Variants in BBX observed in about 807,000 individuals in gnomAD.
The protein encoded by BBX is BBX high mobility group box domain containing.
BBX carries 30 observed loss-of-function variants against 100.2 expected under a neutral mutation model. The ratio of observed to expected loss-of-function variants is 0.30; its 90% confidence interval spans 0.22 to 0.41. The LOEUF is 0.41. Among genes scored for constraint, BBX ranks in the 10% least tolerant of loss-of-function variants. The pLI, the probability that BBX is intolerant of heterozygous loss-of-function variation, is 1.00. For synonymous variants in BBX, 376 were observed against 388.1 expected, an observed-to-expected ratio of 0.97 and a Z score of 0.37; for missense variants, 1,023 against 1,129.8, an observed-to-expected ratio of 0.91 and a Z score of 1.35.
At chr3:107,561,172 G>T (rs1159104048) in intron 2 of BBX, among the ~76,000 whole-genome samples, 1 of 152,172 alleles carries the variant, frequency 6.6e-6, no homozygotes, top group African/African-American at 2.4e-5. Context: ...GTGAAAGTCT[G>T]CATGGTCCAT....
intron 13 of BBX, among the ~76,000 whole-genome samples, chr3:107,783,593 G>A (rs2068115856): frequency 6.6e-6 from 1 of 151,822 alleles, no homozygotes; most frequent in African/African-American, 2.4e-5. Context: ...TTTCCTACAG[G>A]TAAATCACTA....
rs887461126 is a variant in BBX at position 107,606,322 on chromosome 3, A to G, written c.-83-39514A>G. Among the ~76,000 whole-genome samples the G allele has an allele frequency of 3.5e-4, 54 of 152,234 alleles. 1 individual carries two copies. ...CTAAAGCAAGGAAGTATACTCTAAT[A>G]TATTTTAAAATGGTTTGCAATAGCA... On this transcript the variant is annotated intron_variant, in intron 2 of 17. Coordinates refer to ENST00000325805, the MANE Select transcript of BBX (RefSeq NM_001142568.3).
intron 3 of BBX, among the ~76,000 whole-genome samples, chr3:107,668,530 G>C (rs2058862554): frequency 6.6e-6 from 1 of 152,152 alleles, no homozygotes. Flanking sequence ...TCATCCCTTA[G>C]TAACCAGCTA....
chr3:107,664,349 C>G lies in BBX; in HGVS notation c.-10+18440C>G, dbSNP rs920813062. On this transcript the variant is annotated intron_variant, in intron 3 of 17. Transcript: ENST00000325805. ...CACTAACAGAATGTAAGTATTCTCT[C>G]TCTCTGGCTCCTATAGTTCTTTAAA... Among the ~76,000 whole-genome samples, 10 of 152,174 alleles carry G rather than the reference C, an allele frequency of 6.6e-5. No homozygotes were observed. In the East Asian group the frequency reaches 1.9e-3, roughly 29 times the overall value.
intron 3 of BBX, among the ~76,000 whole-genome samples, chr3:107,674,317 A>G (rs80016787): frequency 4.9e-4 from 74 of 152,232 alleles, no homozygotes; most frequent in Non-Finnish European, 9.6e-4. Context: ...TAACACACAC[A>G]TTGTAGGATT....
At chr3:107,744,826 G>A (rs910903178) in intron 8 of BBX, 116 bp downstream of exon 8, 3 of 791,850 alleles carry the variant, frequency 3.8e-6, no homozygotes, top group Admixed American at 2.4e-5. Flanking sequence ...ACCATAAGTG[G>A]GAAAATAGAA....
chr3:107,665,115 A>C (rs1396325214), intron 3 of BBX, among the ~76,000 whole-genome samples: 1 of 152,188 alleles, frequency 6.6e-6, no homozygotes. Flanking sequence ...TATCTTCTGC[A>C]GTTTCCCAGG....
chr3:107,785,547 C>T (rs191768911), intron 13 of BBX, among the ~76,000 whole-genome samples: 163 of 151,900 alleles, frequency 1.1e-3, no homozygotes, highest in African/African-American at 3.8e-3. Flanking sequence ...ATTAGTGTAA[C>T]ATACCCTACT....
rs755638059 is a variant in BBX at position 107,811,209 on chromosome 3, T to C, written c.*5752T>C. 5 of 152,182 alleles carry C rather than the reference T, an allele frequency of 3.3e-5. No individual in the cohort carries two copies. Among genetic ancestry groups the C allele is most frequent in the African/African-American group, 9.7e-5 (4 of 41,434 alleles). The allele number at this position is 152,182 out of a possible 1,614,324, so 9.4% of individuals were successfully genotyped here. A position where few individuals can be genotyped will look rare whatever the true frequency, so the allele number is the denominator to read the frequency against. ...AAACTTTGAAATATTTTAAAGATAT[T>C]ATTCAAATATATTTCTTTATGTTCA... On this transcript the variant is annotated 3_prime_UTR_variant, in exon 18 of 18. Coordinates refer to ENST00000325805, the MANE Select transcript of BBX (RefSeq NM_001142568.3).
At chr3:107,763,641 A>G (rs1479914110) in intron 10 of BBX, among the ~76,000 whole-genome samples, 1 of 152,178 alleles carries the variant, frequency 6.6e-6, no homozygotes, top group East Asian at 1.9e-4. Context: ...TACACATTTT[A>G]TCTCACCCCT....
chr3:107,718,163 A>C (rs940415688), intron 5 of BBX, among the ~76,000 whole-genome samples: 1 of 148,832 alleles, frequency 6.7e-6, no homozygotes, highest in East Asian at 1.9e-4. Flanking sequence ...AAAATTATTA[A>C]TAATTATATT....
chr3:107,726,218 G>A (rs1422740128), intron 5 of BBX, among the ~76,000 whole-genome samples: 1 of 151,844 alleles, frequency 6.6e-6, no homozygotes, highest in Non-Finnish European at 1.5e-5. Context: ...TTCTACTATT[G>A]TCTTTTAGCT....
At chr3:107,757,800 A>G (rs1576660122) in intron 10 of BBX, among the ~76,000 whole-genome samples, 1 of 152,230 alleles carries the variant, frequency 6.6e-6, no homozygotes, top group East Asian at 1.9e-4. Context: ...ATTTTAAGAT[A>G]AATAAATATA....
At chr3:107,737,902 T>TTTTTG (rs1560070074) in intron 7 of BBX, among the ~76,000 whole-genome samples, 4 of 143,108 alleles carry the variant, frequency 2.8e-5, no homozygotes, top group South Asian at 4.6e-4. Flanking sequence ...TTTTTTTTTT[T>TTTTTG]TTTTTTTTTT....
chr3:107,805,285 T>TG (rs1377730667), intron 17 of BBX, 85 bp from the exon 18 acceptor site: 1 of 1,387,354 alleles, frequency 7.2e-7, no homozygotes, highest in East Asian at 2.3e-5. Context: ...AACAAGATAT[T>TG]GGAACACACT....
chr3:107,663,236 C>T lies in BBX; in HGVS notation c.-10+17327C>T, dbSNP rs548783260. On this transcript the variant is annotated intron_variant, in intron 3 of 17. Coordinates refer to ENST00000325805, the MANE Select transcript of BBX (RefSeq NM_001142568.3). Reference sequence around the variant, plus strand: ...ATTAACTTGAGAAATAAGTTTGTGGCTATAGTCAGCACCCTATTATGCTAC... The same window carrying T: ...ATTAACTTGAGAAATAAGTTTGTGGTTATAGTCAGCACCCTATTATGCTAC... Among the ~76,000 whole-genome samples the T allele has an allele frequency of 7.9e-5, 12 of 152,246 alleles. No individual in the cohort carries two copies. The East Asian group carries it at 2.3e-3, about 29-fold the overall frequency.
chr3:107,693,380 G>A (rs2060328304), intron 3 of BBX, among the ~76,000 whole-genome samples: 1 of 151,696 alleles, frequency 6.6e-6, no homozygotes, highest in Non-Finnish European at 1.5e-5. Flanking sequence ...TTTGTATAAG[G>A]TGTAAGGAAG....
At chr3:107,582,405 G>A (rs1441027347) in intron 2 of BBX, among the ~76,000 whole-genome samples, 1 of 151,682 alleles carries the variant, frequency 6.6e-6, no homozygotes, top group Non-Finnish European at 1.5e-5. Context: ...ACAAAAAGAT[G>A]GAAGTTATAT....
rs576011827 is a variant in BBX, at chr3:107,673,198, C to G, written c.-10+27289C>G. Among the ~76,000 whole-genome samples the G allele has an allele frequency of 8.5e-5, 13 of 152,112 alleles. No homozygotes were observed. The South Asian group carries it at 2.7e-3, about 32-fold the overall frequency. On this transcript the variant is annotated intron_variant, in intron 3 of 17. Coordinates refer to ENST00000325805, the MANE Select transcript of BBX (RefSeq NM_001142568.3). ...GTTATTAATAAGAGTTTCACGTTAA[C>G]AGACTTTTGATAATAAAGAAAAGAG... is the stretch of plus-strand genomic sequence containing the variant.
Sources: gnomAD v4.1 joint callset for allele counts (sites outside exome capture counted in the v4.1 genomes callset) on GRCh38, gnomAD v4.1.1 for gene constraint, MANE v1.5 for transcripts, NCBI Gene and HGNC (gene_info 2026-07-23, HGNC 2026-07-21) for gene names.